COL6A5: variants seen among roughly 807,000 people sequenced by gnomAD.
COL6A5 encodes collagen alpha-5(VI) chain.
COL6A5 carries 48 observed loss-of-function variants against 65.6 expected under a neutral mutation model. The observed-to-expected ratio is 0.73, with a 90% confidence interval of 0.58 to 0.93. The LOEUF is 0.93. COL6A5 is among the 40% of genes least tolerant of loss of function. The pLI is 0.00. For synonymous variants in COL6A5, 291 were observed against 322.8 expected (o/e 0.90, Z 1.05); for missense variants, 914 against 928.3 (o/e 0.98, Z 0.20).
intron 21 of COL6A5, 49 bp downstream of exon 21, chr3:130,413,629 G>C (rs1231815882): frequency 1.4e-5 from 22 of 1,523,834 alleles, no homozygotes; most frequent in Non-Finnish European, 1.8e-5. Context: ...GACCAAGGAG[G>C]TTTCTCCCAT....
intron 23 of COL6A5, 52 bp downstream of exon 23, chr3:130,415,759 C>T: frequency 2.2e-6 from 3 of 1,384,560 alleles, no homozygotes; most frequent in Non-Finnish European, 1.9e-6. Context: ...TTATTTTCCT[C>T]TTAGTGCAAA....
At chr3:130,429,417 C>G (rs1211804069), upstream of COL6A5, among the ~76,000 whole-genome samples, 1 of 152,210 alleles carries the variant, frequency 6.6e-6, no homozygotes, top group East Asian at 1.9e-4. Flanking sequence ...ACATCTTCCT[C>G]AATACTTTAA....
chr3:130,415,276 T>A (rs879363966), intron 22 of COL6A5, among the ~76,000 whole-genome samples: 30 of 152,134 alleles, frequency 2.0e-4, no homozygotes, highest in Non-Finnish European at 4.0e-4. Context: ...ACAACTTTAC[T>A]CTCTACTTTA....
In COL6A5 at chr3:130,405,571, T is replaced by C; in HGVS notation, c.4282-17T>C. ...AAAAACATCACTTTGGGTACCTGTCTGTGCTCCTTTTCTTAGGGAGTACGA... is the reference window on the plus strand; with the variant it reads ...AAAAACATCACTTTGGGTACCTGTCCGTGCTCCTTTTCTTAGGGAGTACGA... On this transcript the variant is annotated splice_polypyrimidine_tract_variant and intron_variant and NMD_transcript_variant, in intron 13 of 41. Coordinates refer to the COL6A5 transcript ENST00000312481. 6.5e-7 allele frequency: 1 copy of C among 1,547,700 alleles called. No individual in the cohort carries two copies. Among genetic ancestry groups the C allele is most frequent in the Admixed American group, 2.0e-5 (1 of 50,946 alleles).
exon 6 of COL6A5, chr3:130,469,093 T>G: frequency 6.2e-7 from 1 of 1,613,090 alleles, no homozygotes; most frequent in Non-Finnish European, 8.5e-7. Flanking sequence ...ATTTGGTTAC[T>G]TATAACAGTA....
Position 130,383,040 on chromosome 3 carries a change from A to C in COL6A5, c.1301-1764A>C, listed in dbSNP as rs376041036. Among the ~76,000 whole-genome samples the C allele has an allele frequency of 4.6e-5, 7 of 152,184 alleles. No homozygotes were observed. In the East Asian group the frequency reaches 1.2e-3, roughly 25 times the overall value. On this transcript the variant is annotated intron_variant and NMD_transcript_variant, in intron 4 of 41. Transcript: ENST00000312481. ...CAATTGAAATGTTTAGTAGCATCCA[A>C]TTGGGCAGATGTTTCTACTTTAAAA...
At chr3:130,410,491 G>T in exon 20 of COL6A5, 5 of 1,550,882 alleles carry the variant, frequency 3.2e-6, no homozygotes, top group Non-Finnish European at 4.4e-6. Flanking sequence ...GACAGAAAGG[G>T]GTGCAAGGCA....
chr3:130,397,327 G>A (rs1436114211), intron 8 of COL6A5, among the ~76,000 whole-genome samples: 3 of 151,546 alleles, frequency 2.0e-5, no homozygotes, highest in South Asian at 4.2e-4. Flanking sequence ...ATTTTAAAGG[G>A]GACAGAGAAA....
intron 1 of COL6A5, among the ~76,000 whole-genome samples, chr3:130,353,028 G>C (rs1934780636): frequency 6.6e-6 from 1 of 152,190 alleles, no homozygotes; most frequent in Admixed American, 6.5e-5. Flanking sequence ...AGTGTTTGCT[G>C]TTCCAGATAG....
intron 1 of COL6A5, among the ~76,000 whole-genome samples, chr3:130,350,286 C>T (rs537085384): frequency 2.0e-3 from 300 of 152,248 alleles, no homozygotes; most frequent in Non-Finnish European, 3.5e-3. Context: ...TCCTATTCAA[C>T]ATAGTGTTGG....
At chr3:130,384,749 CT>C in intron 4 of COL6A5, 54 bp from the exon 5 acceptor site, 1 of 1,407,552 alleles carries the variant, frequency 7.1e-7, no homozygotes, top group Non-Finnish European at 9.5e-7. Flanking sequence ...CACAAACCCT[CT>C]TGCAAAGTTC....
exon 6 of COL6A5, chr3:130,469,312 A>G: frequency 6.2e-7 from 1 of 1,613,018 alleles, no homozygotes. Flanking sequence ...CCAAGTGTCA[A>G]GGCTACTCCA....
At chr3:130,471,297 A>G (rs985928144) in intron 7 of COL6A5, among the ~76,000 whole-genome samples, 4 of 152,094 alleles carry the variant, frequency 2.6e-5, no homozygotes, top group African/African-American at 9.7e-5. Context: ...TATATCAAAG[A>G]TTCCATGTAA....
intron 10 of COL6A5, 51 bp from the exon 11 acceptor site, chr3:130,400,980 T>G: frequency 2.1e-6 from 3 of 1,411,888 alleles, no homozygotes; most frequent in Non-Finnish European, 2.8e-6. Context: ...TCTTCTTCTT[T>G]TTCATGTACA....
chr3:130,470,143 T>C (rs1380287841), intron 6 of COL6A5, among the ~76,000 whole-genome samples: 2 of 151,994 alleles, frequency 1.3e-5, no homozygotes, highest in Non-Finnish European at 2.9e-5. Flanking sequence ...CTGGTAGGGA[T>C]TTTTTAGGGT....
chr3:130,433,300 T>C (rs941021059), intron 1 of COL6A5, among the ~76,000 whole-genome samples: 2 of 152,174 alleles, frequency 1.3e-5, no homozygotes, highest in African/African-American at 2.4e-5. Flanking sequence ...ATACAAGAAA[T>C]CTTAATAAGA....
At chr3:130,349,144 C>T (rs1156882368) in intron 1 of COL6A5, among the ~76,000 whole-genome samples, 2 of 152,176 alleles carry the variant, frequency 1.3e-5, no homozygotes, top group African/African-American at 2.4e-5. Flanking sequence ...GCCAATGTAA[C>T]GTTCCACATT....
At chr3:130,376,155 C>G in intron 2 of COL6A5, 82 bp from the exon 3 acceptor site, 3 of 1,373,592 alleles carry the variant, frequency 2.2e-6, no homozygotes, top group Non-Finnish European at 2.9e-6. Context: ...AACACCAGCA[C>G]ATAGTCTTAA....
chr3:130,419,005 C>A (rs1275531563), intron 25 of COL6A5, 74 bp downstream of exon 25: 2 of 1,218,334 alleles, frequency 1.6e-6, no homozygotes, highest in African/African-American at 1.5e-5. Flanking sequence ...GGGGTTGACA[C>A]CTTCAGCCCA....
Sources: allele counts gnomAD v4.1 joint callset (sites outside exome capture counted in the v4.1 genomes callset), GRCh38; gene constraint gnomAD v4.1.1; transcripts MANE v1.5; gene names NCBI Gene and HGNC (gene_info 2026-07-23, HGNC 2026-07-21).